The following FHIT variants were observed in gnomAD, a reference collection of about 807,000 sequenced individuals.
The protein encoded by FHIT is bis(5'-adenosyl)-triphosphatase.
Under a neutral mutation model 17.9 loss-of-function variants are expected in FHIT, and 19 were observed. The ratio of observed to expected loss-of-function variants is 1.06; its 90% CI spans 0.74 to 1.56. The LOEUF (loss-of-function observed/expected upper bound fraction) is 1.56. Ranked by LOEUF, FHIT falls within the 40% of genes most tolerant of loss-of-function variation. FHIT has a pLI of 0.00. For missense variants in FHIT, 248 were observed against 189.2 expected (o/e 1.31, Z -1.82); for synonymous variants, 81 against 69.7 (o/e 1.16, Z -0.81).
At chr3:59,792,580 A>T (rs929596712) in intron 8 of FHIT, among the ~76,000 whole-genome samples, 1 of 152,154 alleles carries the variant, frequency 6.6e-6, no homozygotes, top group African/African-American at 2.4e-5. Context: ...CATGTGTAAA[A>T]CAGGACTATA....
intron 5 of FHIT, among the ~76,000 whole-genome samples, chr3:60,512,305 T>G (rs939533896): frequency 6.6e-6 from 1 of 152,194 alleles, no homozygotes; most frequent in African/African-American, 2.4e-5. Context: ...AGCCCTTTAT[T>G]GCTAAAAGAC....
At chr3:60,940,664 G>T (rs1374966151) in intron 3 of FHIT, among the ~76,000 whole-genome samples, 1 of 152,062 alleles carries the variant, frequency 6.6e-6, no homozygotes, top group Non-Finnish European at 1.5e-5. Flanking sequence ...TAATAGTCAG[G>T]TTCTTAGAAT....
intron 4 of FHIT, among the ~76,000 whole-genome samples, chr3:60,703,988 T>A (rs532212357): frequency 3.3e-5 from 5 of 150,304 alleles, no homozygotes; most frequent in Admixed American, 3.3e-4. Context: ...GGCTATAAAA[T>A]TTTTTTTTAA....
rs776462261 is a variant in FHIT, at chr3:59,922,399, C to T, written c.295G>A (p.Val99Ile). Residue 99 changes from valine to isoleucine, a missense_variant, in exon 8 of 10, where the codon GTT (valine) becomes ATT (isoleucine). Val to Ile is a conservative substitution (Grantham distance 29). Coordinates refer to ENST00000492590, the MANE Select transcript of FHIT (RefSeq NM_002012.4). ...AAGTCTCCAGCCTTCCTGGGAAGAACATGGACGTGAACGTGCTGAAAATGT... is the reference window on the plus strand; with the variant it reads ...AAGTCTCCAGCCTTCCTGGGAAGAATATGGACGTGAACGTGCTGAAAATGT... ...GQTVKHVHVH[V>I]LPRKAGDFHR... 1.1e-5 allele frequency: 18 copies of T among 1,613,512 alleles called. 1 individual carries two copies. The highest frequency in any genetic ancestry group is 1.6e-4 in the Middle Eastern group (1 of 6,082).
intron 4 of FHIT, among the ~76,000 whole-genome samples, chr3:60,760,025 A>G (rs1183667748): frequency 7.9e-6 from 1 of 125,798 alleles, no homozygotes; most frequent in African/African-American, 3.0e-5. Flanking sequence ...TCCCTCTCTT[A>G]CTCTCTTTAT....
intron 3 of FHIT, among the ~76,000 whole-genome samples, chr3:60,862,294 T>A (rs1703948733): frequency 6.6e-6 from 1 of 152,090 alleles, no homozygotes; most frequent in Admixed American, 6.6e-5. Flanking sequence ...TCATCCGTAC[T>A]AGCTAGGACT....
chr3:60,692,720 T>G (rs1553699782), intron 4 of FHIT, among the ~76,000 whole-genome samples: 1 of 152,236 alleles, frequency 6.6e-6, no homozygotes, highest in Non-Finnish European at 1.5e-5. Flanking sequence ...TCTATGTCAT[T>G]TTGAACCTCA....
chr3:60,835,713 G>T (rs1553743696), intron 3 of FHIT, among the ~76,000 whole-genome samples: 1 of 152,122 alleles, frequency 6.6e-6, no homozygotes, highest in East Asian at 1.9e-4. Context: ...AACCTCCTGA[G>T]CTCCAGCCAT....
intron 2 of FHIT, among the ~76,000 whole-genome samples, chr3:61,135,576 T>C (rs1342958585): frequency 1.5e-5 from 2 of 131,608 alleles, no homozygotes; most frequent in East Asian, 5.3e-4. Context: ...TGCATCCTTG[T>C]GTTCGAACAC....
At chr3:60,181,153 T>G (rs1384208927) in intron 5 of FHIT, among the ~76,000 whole-genome samples, 4 of 148,728 alleles carry the variant, frequency 2.7e-5, no homozygotes, top group African/African-American at 9.9e-5. Context: ...TAATTTTTTT[T>G]TTTTTTTTTT....
At chr3:60,513,087 A>G (rs995706432) in intron 5 of FHIT, among the ~76,000 whole-genome samples, 4 of 152,222 alleles carry the variant, frequency 2.6e-5, no homozygotes, top group Admixed American at 6.5e-5. Context: ...TTATTCTTGG[A>G]AAATGCAAGC....
At chr3:60,545,530 T>C (rs922467193) in intron 4 of FHIT, among the ~76,000 whole-genome samples, 3 of 152,348 alleles carry the variant, frequency 2.0e-5, no homozygotes, top group Middle Eastern at 3.4e-3. Context: ...CCATTAGCTC[T>C]ATCTCTCACC....
At position 60,296,480 on chromosome 3, in the gene FHIT, T is replaced by G. The variant is rs190594648; in HGVS notation, c.103+240380A>C. On this transcript the variant is annotated intron_variant, in intron 5 of 9. Coordinates refer to ENST00000492590, the MANE Select transcript of FHIT (RefSeq NM_002012.4). ...CAGTTAAATGGCTGTCCATGTCTTT[T>G]GCCCATTTTCCAAATGGTTTGTCTT... Among the ~76,000 whole-genome samples, 24 of 152,284 alleles carry G rather than the reference T, an allele frequency of 1.6e-4. No individual in the cohort carries two copies. The East Asian group carries it at 4.3e-3, about 27-fold the overall frequency.
chr3:60,575,039 G>A (rs2037519780), intron 4 of FHIT, among the ~76,000 whole-genome samples: 1 of 152,074 alleles, frequency 6.6e-6, no homozygotes, highest in African/African-American at 2.4e-5. Flanking sequence ...GTGGAGTAAA[G>A]AATAAAGGAA....
At chr3:60,550,036 T>C (rs1007511995) in intron 4 of FHIT, among the ~76,000 whole-genome samples, 4 of 152,158 alleles carry the variant, frequency 2.6e-5, no homozygotes, top group African/African-American at 9.7e-5. Flanking sequence ...TCTATTTCAA[T>C]TAACTTAAAC....
At chr3:60,023,092 A>G (rs1700611109) in intron 5 of FHIT, among the ~76,000 whole-genome samples, 1 of 152,234 alleles carries the variant, frequency 6.6e-6, no homozygotes, top group Admixed American at 6.5e-5. Flanking sequence ...TGCTCTTAGG[A>G]GTTAAGACTT....
At chr3:60,132,737 T>C (rs943704440) in intron 5 of FHIT, among the ~76,000 whole-genome samples, 7 of 152,074 alleles carry the variant, frequency 4.6e-5, no homozygotes, top group African/African-American at 9.7e-5. Flanking sequence ...TGCTGGCTTA[T>C]TGTCATGCTG....
intron 5 of FHIT, among the ~76,000 whole-genome samples, chr3:60,138,876 T>C (rs1218343682): frequency 6.6e-6 from 1 of 152,062 alleles, no homozygotes; most frequent in Non-Finnish European, 1.5e-5. Flanking sequence ...ATTATGAACA[T>C]GGATCAGAAA....
intron 5 of FHIT, among the ~76,000 whole-genome samples, chr3:60,277,215 G>A (rs368715750): frequency 1.3e-5 from 2 of 152,074 alleles, no homozygotes; most frequent in Non-Finnish European, 2.9e-5. Flanking sequence ...AAAATGTTTT[G>A]TGAGGGACAT....
Sources: gnomAD v4.1 joint callset for allele counts (sites outside exome capture counted in the v4.1 genomes callset) on GRCh38, gnomAD v4.1.1 for gene constraint, MANE v1.5 for transcripts, NCBI Gene and HGNC (gene_info 2026-07-23, HGNC 2026-07-21) for gene names.